LRMDA: variants seen among roughly 807,000 people sequenced by gnomAD.
LRMDA encodes the protein leucine rich melanocyte differentiation associated, also known as leucine-rich melanocyte differentiation-associated protein.
Under a neutral mutation model 29.8 loss-of-function variants are expected in LRMDA, and 18 were observed. The ratio of observed to expected loss-of-function variants is 0.60; its 90% CI spans 0.42 to 0.90. The LOEUF (loss-of-function observed/expected upper bound fraction) is 0.90, where lower values mean the gene tolerates loss of function less well. Among genes scored for constraint, LRMDA ranks in the 40% least tolerant of loss-of-function variants. The probability of loss-of-function intolerance (pLI) is 0.00; values close to 1 mark genes in which losing one functional copy is unlikely to be tolerated. For synonymous variants in LRMDA, 125 were observed against 109.4 expected (o/e 1.14, Z -0.89); for missense variants, 273 against 273.9 (o/e 1.00, Z 0.02).
intron 2 of LRMDA, among the ~76,000 whole-genome samples, chr10:75,506,006 A>T (rs562785688): frequency 4.6e-5 from 7 of 152,204 alleles, no homozygotes; most frequent in African/African-American, 1.4e-4. Context: ...TATTAGTTTC[A>T]TAGTGAGAAA....
At chr10:75,820,701 G>A (rs1020961097) in intron 2 of LRMDA, among the ~76,000 whole-genome samples, 1 of 152,010 alleles carries the variant, frequency 6.6e-6, no homozygotes, top group Admixed American at 6.6e-5. Flanking sequence ...GACCAAAAAA[G>A]CCACTCAAAG....
At chr10:75,586,225 T>A (rs1261227695) in intron 2 of LRMDA, among the ~76,000 whole-genome samples, 1 of 152,188 alleles carries the variant, frequency 6.6e-6, no homozygotes, top group Non-Finnish European at 1.5e-5. Context: ...GATCATATGA[T>A]AGTTCTATGT....
intron 5 of LRMDA, among the ~76,000 whole-genome samples, chr10:76,150,758 C>T (rs887699949): frequency 3.9e-5 from 6 of 152,154 alleles, no homozygotes; most frequent in African/African-American, 1.4e-4. Flanking sequence ...GCAAGGATAG[C>T]GAACACACTT....
intron 6 of LRMDA, among the ~76,000 whole-genome samples, chr10:76,392,013 G>A (rs1488641994): frequency 6.6e-6 from 1 of 152,130 alleles, no homozygotes; most frequent in Admixed American, 6.6e-5. Context: ...TCTTATGTTG[G>A]AATAGTGTCT....
At chr10:75,869,896 T>G (rs887852241) in intron 2 of LRMDA, among the ~76,000 whole-genome samples, 1 of 152,194 alleles carries the variant, frequency 6.6e-6, no homozygotes, top group Admixed American at 6.5e-5. Flanking sequence ...AAAGATAATT[T>G]CCTGTGAATC....
intron 2 of LRMDA, among the ~76,000 whole-genome samples, chr10:75,884,570 T>A (rs985990484): frequency 6.6e-6 from 1 of 152,154 alleles, no homozygotes; most frequent in African/African-American, 2.4e-5. Context: ...AATGAGATCA[T>A]GGATAGACAG....
intron 2 of LRMDA, among the ~76,000 whole-genome samples, chr10:75,859,732 T>C (rs1386479261): frequency 1.3e-5 from 2 of 152,124 alleles, no homozygotes; most frequent in Non-Finnish European, 2.9e-5. Flanking sequence ...TTTTTATATA[T>C]AGGTTTTAAA....
At chr10:76,283,671 GTAT>G (rs1840234946) in intron 5 of LRMDA, among the ~76,000 whole-genome samples, 1 of 152,194 alleles carries the variant, frequency 6.6e-6, no homozygotes, top group African/African-American at 2.4e-5. Context: ...CAGAAAGGGA[GTAT>G]TATTGTGATC....
At chr10:75,678,263 A>G (rs1171463253) in intron 2 of LRMDA, among the ~76,000 whole-genome samples, 1 of 152,178 alleles carries the variant, frequency 6.6e-6, no homozygotes, top group Non-Finnish European at 1.5e-5. Flanking sequence ...GAACTCTCCT[A>G]GTCAAAATGA....
chr10:75,644,120 T>C (rs1032876159), intron 2 of LRMDA, among the ~76,000 whole-genome samples: 1 of 152,150 alleles, frequency 6.6e-6, no homozygotes, highest in Non-Finnish European at 1.5e-5. Context: ...CCAGGAACAC[T>C]TGTAGCTTCC....
chr10:75,725,153 A>G (rs993979266), intron 2 of LRMDA, among the ~76,000 whole-genome samples: 20 of 152,186 alleles, frequency 1.3e-4, no homozygotes, highest in Non-Finnish European at 2.9e-5. Context: ...TATTTATAGA[A>G]TTTTTATATT....
At chr10:76,103,592 G>A (rs1849431232) in intron 5 of LRMDA, among the ~76,000 whole-genome samples, 1 of 152,324 alleles carries the variant, frequency 6.6e-6, no homozygotes, top group African/African-American at 2.4e-5. Context: ...ACCCCTTTTA[G>A]TTGTGGTAGG....
intron 5 of LRMDA, among the ~76,000 whole-genome samples, chr10:76,214,534 C>T (rs1285785829): frequency 2.0e-5 from 3 of 151,306 alleles, no homozygotes; most frequent in South Asian, 2.1e-4. Flanking sequence ...TTAGTAGAGA[C>T]GGGGTTTCAC....
chr10:75,449,672 C>T (rs1844437119), intron 2 of LRMDA, among the ~76,000 whole-genome samples: 1 of 152,058 alleles, frequency 6.6e-6, no homozygotes, highest in African/African-American at 2.4e-5. Flanking sequence ...TTCTCTAAAA[C>T]CTTTCTGATT....
intron 6 of LRMDA, among the ~76,000 whole-genome samples, chr10:76,556,692 A>T (rs1449272848): frequency 6.6e-6 from 1 of 152,072 alleles, no homozygotes; most frequent in Non-Finnish European, 1.5e-5. Flanking sequence ...CTCTTCCTTA[A>T]TCATCCCATA....
intron 5 of LRMDA, among the ~76,000 whole-genome samples, chr10:76,156,157 C>A (rs527484179): frequency 4.6e-5 from 7 of 152,212 alleles, no homozygotes; most frequent in South Asian, 2.1e-4. Context: ...TTGGAAGTGT[C>A]GGTGTTATTG....
intron 2 of LRMDA, among the ~76,000 whole-genome samples, chr10:75,601,841 G>A (rs1343351993): frequency 1.3e-5 from 2 of 152,162 alleles, no homozygotes; most frequent in South Asian, 2.1e-4. Flanking sequence ...GGCAAAGGTA[G>A]TATTTGACAT....
chr10:76,362,209 A>G (rs1001458975), intron 6 of LRMDA, among the ~76,000 whole-genome samples: 16 of 152,190 alleles, frequency 1.1e-4, no homozygotes, highest in African/African-American at 3.9e-4. Flanking sequence ...AGTGAATAAA[A>G]TCTCAATTCC....
At chr10:75,601,758 T>C (rs917278514) in intron 2 of LRMDA, among the ~76,000 whole-genome samples, 2 of 152,202 alleles carry the variant, frequency 1.3e-5, no homozygotes, top group African/African-American at 4.8e-5. Context: ...ACGTGTATTA[T>C]CCCAATTATC....
Sources: gnomAD v4.1 joint callset for allele counts (sites outside exome capture counted in the v4.1 genomes callset) on GRCh38, gnomAD v4.1.1 for gene constraint, MANE v1.5 for transcripts, NCBI Gene and HGNC (gene_info 2026-07-23, HGNC 2026-07-21) for gene names.